MSH3: variants seen among roughly 807,000 people sequenced by gnomAD.
The protein encoded by MSH3 is DNA mismatch repair protein Msh3.
MSH3 carries 106 observed loss-of-function variants against 123.3 expected under a neutral mutation model. The ratio of observed to expected loss-of-function variants is 0.86; its 90% CI spans 0.73 to 1.01. The LOEUF (loss-of-function observed/expected upper bound fraction) is 1.01, where lower values mean the gene tolerates loss of function less well. Ranked by LOEUF, MSH3 falls within the 50% of genes least tolerant of loss-of-function variation. MSH3 has a pLI of 0.00. For synonymous variants in MSH3, 515 were observed against 481.4 expected, an observed-to-expected ratio of 1.07 and a Z score of -0.91; for missense variants, 1,459 against 1,347.6, an observed-to-expected ratio of 1.08 and a Z score of -1.29.
chr5:80,798,055 A>G lies in MSH3; in HGVS notation c.2655+5211A>G, dbSNP rs185359108. On this transcript the variant is annotated intron_variant, in intron 19 of 23. Transcript: ENST00000265081. Reference sequence around the variant, plus strand: ...TTTAGTATAAAAAATATAAATTTCAACTAATGGAGGGGAGGGGAAAGAGTG... The same window carrying G: ...TTTAGTATAAAAAATATAAATTTCAGCTAATGGAGGGGAGGGGAAAGAGTG... Among the ~76,000 whole-genome samples, 180 of 152,228 alleles carry G rather than the reference A, an allele frequency of 1.2e-3. 1 individual carries two copies. Among genetic ancestry groups the G allele is most frequent in the Admixed American group, 0.011 (167 of 15,304 alleles).
chr5:80,745,595 T>G (rs1743701238), intron 12 of MSH3, among the ~76,000 whole-genome samples: 1 of 152,360 alleles, frequency 6.6e-6, no homozygotes, highest in South Asian at 2.1e-4. Context: ...TGAATAGTTA[T>G]ACCTCTGGCT....
intron 20 of MSH3, among the ~76,000 whole-genome samples, chr5:80,851,738 A>G: frequency 6.6e-6 from 1 of 152,208 alleles, no homozygotes; most frequent in South Asian, 2.1e-4. Flanking sequence ...AAACTTTTAA[A>G]TCCATGTACA....
chr5:80,762,291 C>G (rs1744048652), intron 13 of MSH3, among the ~76,000 whole-genome samples: 1 of 151,858 alleles, frequency 6.6e-6, no homozygotes, highest in Non-Finnish European at 1.5e-5. Flanking sequence ...ACACTATAAA[C>G]TATGGTGTTT....
At chr5:80,674,072 T>C (rs1192950326) in intron 6 of MSH3, among the ~76,000 whole-genome samples, 2 of 152,240 alleles carry the variant, frequency 1.3e-5, no homozygotes, top group African/African-American at 4.8e-5. Flanking sequence ...GGCTCCAAAC[T>C]ATTAACAGCC....
intron 19 of MSH3, among the ~76,000 whole-genome samples, chr5:80,793,315 A>G (rs1225078486): frequency 6.6e-6 from 1 of 152,214 alleles, no homozygotes; most frequent in African/African-American, 2.4e-5. Flanking sequence ...TAATTTACTT[A>G]ACACATACTT....
intron 16 of MSH3, among the ~76,000 whole-genome samples, chr5:80,776,770 T>G (rs912163431): frequency 1.3e-5 from 2 of 151,552 alleles, no homozygotes; most frequent in East Asian, 3.9e-4. Flanking sequence ...CCTCAGATGG[T>G]AGAAGAGGGA....
At chr5:80,776,928 A>ATATATTTT (rs71640414) in intron 16 of MSH3, among the ~76,000 whole-genome samples, 1 of 139,412 alleles carries the variant, frequency 7.2e-6, no homozygotes, top group Admixed American at 7.4e-5. Flanking sequence ...ATATATATAT[A>ATATATTTT]TTTTTTTTTT....
rs370894909 is a variant in MSH3 at position 80,665,193 on chromosome 5, T to C, written c.409T>C (p.Leu137=). Residue 137 remains leucine, a synonymous_variant, in exon 3 of 24, where the codon TTG becomes CTG. Coordinates refer to ENST00000265081, the MANE Select transcript of MSH3 (RefSeq NM_002439.5). ...GAATGTTTCAAAGTCTCTGGAAAAA[T>C]TGAAAGAATTCTGCTGCGATTCTGC... ...TRNVSKSLEK[L]KEFCCDSALP... The C allele has an allele frequency of 5.8e-5, 93 of 1,613,868 alleles. No individual in the cohort carries two copies. The highest frequency in any genetic ancestry group is 5.7e-5 in the Non-Finnish European group (67 of 1,179,972).
intron 2 of MSH3, among the ~76,000 whole-genome samples, chr5:80,661,262 C>A (rs1749428277): frequency 6.7e-6 from 1 of 149,622 alleles, no homozygotes; most frequent in Admixed American, 6.6e-5. Context: ...CTTGTGTCTC[C>A]TTCTGAGAGT....
chr5:80,816,932 A>G (rs1188390082), intron 20 of MSH3, among the ~76,000 whole-genome samples: 1 of 152,218 alleles, frequency 6.6e-6, no homozygotes, highest in African/African-American at 2.4e-5. Flanking sequence ...AAAGGGAGCT[A>G]TCATATAGTA....
At chr5:80,656,904 G>A (rs1749305477) in intron 2 of MSH3, among the ~76,000 whole-genome samples, 1 of 152,106 alleles carries the variant, frequency 6.6e-6, no homozygotes, top group Admixed American at 6.6e-5. Context: ...TGCTATTGGT[G>A]TTCTGTATAT....
chr5:80,806,989 G>A (rs1485409108), intron 19 of MSH3, among the ~76,000 whole-genome samples: 1 of 151,942 alleles, frequency 6.6e-6, no homozygotes, highest in Non-Finnish European at 1.5e-5. Context: ...GATCACTTGA[G>A]CCCAGGAGTT....
In MSH3 at chr5:80,865,219, C is replaced by T. The variant is rs995879933; in HGVS notation, c.3130+277C>T. Among the ~76,000 whole-genome samples the T allele has an allele frequency of 2.6e-5, 4 of 152,076 alleles. No individual in the cohort carries two copies. In the South Asian group the frequency reaches 6.2e-4, roughly 24 times the overall value. On this transcript the variant is annotated intron_variant, in intron 22 of 23. Coordinates refer to ENST00000265081, the MANE Select transcript of MSH3 (RefSeq NM_002439.5). Reference sequence around the variant, plus strand: ...GAATAGGGTGTGGGTGGAGGGGGCACTTAGGTTTTCCTCTTAGTGCCTTGT... The same window carrying T: ...GAATAGGGTGTGGGTGGAGGGGGCATTTAGGTTTTCCTCTTAGTGCCTTGT...
chr5:80,869,782 G>GTATACATA (rs201470242), intron 22 of MSH3, among the ~76,000 whole-genome samples: 5,999 of 120,596 alleles, frequency 0.05, 472 homozygotes, highest in African/African-American at 0.15. Context: ...CTTTATATAT[G>GTATACATA]TATACATATA....
intron 8 of MSH3, among the ~76,000 whole-genome samples, chr5:80,698,061 C>T (rs1274283013): frequency 1.3e-5 from 2 of 152,116 alleles, no homozygotes; most frequent in Middle Eastern, 3.4e-3. Flanking sequence ...GTGTGCTCAA[C>T]CACACCCAGC....
chr5:80,658,037 C>CTTTTTT lies in MSH3; in HGVS notation c.358+1514_358+1519dup, dbSNP rs397942439. Among the ~76,000 whole-genome samples, 9 of 116,620 alleles carry CTTTTTT rather than the reference C, an allele frequency of 7.7e-5. 2 individuals are homozygous for CTTTTTT. The highest frequency in any genetic ancestry group is 5.4e-4 in the East Asian group (2 of 3,736). The allele number at this position is 116,620 out of a possible 152,430, so 76.5% of individuals were successfully genotyped here. ...TTTTCCTAAGAATGCTTTTTGCCCT[C>CTTTTTT]TTTTTTTTTTTTTGAGATAGGGTCT... On this transcript the variant is annotated intron_variant, in intron 2 of 23. Coordinates refer to ENST00000265081, the MANE Select transcript of MSH3 (RefSeq NM_002439.5).
intron 21 of MSH3, among the ~76,000 whole-genome samples, chr5:80,863,045 G>T (rs993233571): frequency 6.6e-6 from 1 of 152,236 alleles, no homozygotes; most frequent in South Asian, 2.1e-4. Context: ...AAGGGAAAAG[G>T]TATAGTGAAG....
intron 21 of MSH3, among the ~76,000 whole-genome samples, chr5:80,861,283 T>C (rs999279785): frequency 1.3e-5 from 2 of 152,346 alleles, no homozygotes; most frequent in South Asian, 4.1e-4. Flanking sequence ...AGTTAGGTTT[T>C]AGTAATGTGC....
intron 20 of MSH3, among the ~76,000 whole-genome samples, chr5:80,852,916 G>A (rs1473131964): frequency 6.6e-6 from 1 of 152,144 alleles, no homozygotes; most frequent in Admixed American, 6.5e-5. Flanking sequence ...TCAATGAAGG[G>A]ATTTTGCTGA....
Sources: gnomAD v4.1 joint callset for allele counts (sites outside exome capture counted in the v4.1 genomes callset) on GRCh38, gnomAD v4.1.1 for gene constraint, MANE v1.5 for transcripts, NCBI Gene and HGNC (gene_info 2026-07-23, HGNC 2026-07-21) for gene names.